KIAA1328: variants seen among roughly 807,000 people sequenced by gnomAD.
KIAA1328 encodes protein hinderin.
A neutral mutation model predicts 68.1 loss-of-function variants in KIAA1328; 52 were observed. The observed-to-expected ratio is 0.76, with a 90% CI of 0.61 to 0.96. The LOEUF (loss-of-function observed/expected upper bound fraction) is 0.96. Among genes scored for constraint, KIAA1328 ranks in the 40% least tolerant of loss-of-function variants. The probability of loss-of-function intolerance (pLI) is 0.00; values close to 1 mark genes in which losing one functional copy is unlikely to be tolerated. For missense variants in KIAA1328, 641 were observed against 677.6 expected, an observed-to-expected ratio of 0.95 and a Z score of 0.60; for synonymous variants, 232 against 239.4, an observed-to-expected ratio of 0.97 and a Z score of 0.28.
chr18:37,046,464 T>A (rs1362850795), intron 6 of KIAA1328, among the ~76,000 whole-genome samples: 2 of 152,204 alleles, frequency 1.3e-5, no homozygotes, highest in Non-Finnish European at 2.9e-5. Context: ...CCTGTGAGAC[T>A]ACTTAAAGCT....
chr18:36,990,472 C>G (rs766735099), intron 6 of KIAA1328, among the ~76,000 whole-genome samples: 1 of 151,890 alleles, frequency 6.6e-6, no homozygotes, highest in Admixed American at 6.6e-5. Context: ...GTCAGGAGCT[C>G]AACACCAGCC....
At chr18:37,015,192 G>A (rs933530186) in intron 6 of KIAA1328, among the ~76,000 whole-genome samples, 11 of 152,144 alleles carry the variant, frequency 7.2e-5, no homozygotes, top group African/African-American at 2.4e-4. Context: ...GTGAAAGGTA[G>A]GGATCTAGTT....
chr18:36,839,046 T>C (rs2046773437), intron 3 of KIAA1328, among the ~76,000 whole-genome samples: 1 of 152,188 alleles, frequency 6.6e-6, no homozygotes, highest in African/African-American at 2.4e-5. Flanking sequence ...CTTGGAGTAA[T>C]TTTTAAAGTA....
chr18:36,928,955 A>G (rs766805775), intron 5 of KIAA1328, among the ~76,000 whole-genome samples: 1 of 152,154 alleles, frequency 6.6e-6, no homozygotes, highest in Non-Finnish European at 1.5e-5. Flanking sequence ...TCAAGTTCTT[A>G]TATTCTTTCC....
intron 7 of KIAA1328, among the ~76,000 whole-genome samples, chr18:37,127,441 G>GT (rs1317371641): frequency 1.3e-5 from 2 of 152,140 alleles, no homozygotes; most frequent in Non-Finnish European, 2.9e-5. Context: ...AGGTGCAGTG[G>GT]TTGACACCTA....
chr18:37,108,373 G>C (rs922631589), intron 7 of KIAA1328, among the ~76,000 whole-genome samples: 4 of 152,050 alleles, frequency 2.6e-5, no homozygotes, highest in Admixed American at 1.3e-4. Context: ...ACTACTGGGG[G>C]AGGGGGCGGG....
chr18:37,170,701 T>G (rs1318913711), intron 8 of KIAA1328, among the ~76,000 whole-genome samples: 1 of 152,202 alleles, frequency 6.6e-6, no homozygotes, highest in South Asian at 2.1e-4. Flanking sequence ...CATAGCATAA[T>G]GGCCAAAGCT....
At chr18:36,971,285 C>CA (rs1344669410) in intron 6 of KIAA1328, among the ~76,000 whole-genome samples, 2 of 152,218 alleles carry the variant, frequency 1.3e-5, no homozygotes, top group Middle Eastern at 3.4e-3. Context: ...GCACCTTATA[C>CA]AAAAAATAAT....
At chr18:36,974,600 A>G (rs752491918) in intron 6 of KIAA1328, among the ~76,000 whole-genome samples, 2 of 152,206 alleles carry the variant, frequency 1.3e-5, no homozygotes, top group African/African-American at 4.8e-5. Context: ...TAGTGTTGCA[A>G]TAAACATACA....
At chr18:36,970,195 A>G (rs979871875) in intron 6 of KIAA1328, among the ~76,000 whole-genome samples, 3 of 152,240 alleles carry the variant, frequency 2.0e-5, no homozygotes, top group African/African-American at 4.8e-5. Flanking sequence ...AAATGAACCA[A>G]TGACAAAACC....
rs1483580286 is a variant in KIAA1328 at position 36,829,163 on chromosome 18, C to T, written c.25C>T (p.Arg9Cys). ...GATGGCGGACGTGGCGGGCCCCTCC[C>T]GCCCCAGTGCCGCGGCGTTCTGGAG... Reference protein sequence around the residue: MADVAGPSRPSAAAFWSRD... With the variant: MADVAGPSCPSAAAFWSRD... The change falls in exon 1 of 10, where the codon CGC becomes TGC. Residue 9 changes from arginine (R) to cysteine (C), a missense_variant. Coordinates refer to ENST00000280020, the MANE Select transcript of KIAA1328 (RefSeq NM_020776.3). 10 of 1,533,658 alleles carry T rather than the reference C, an allele frequency of 6.5e-6. No individual in the cohort carries two copies. The highest frequency in any genetic ancestry group is 2.0e-5 in the Admixed American group (1 of 50,168).
chr18:36,889,089 A>G (rs2048595361), intron 5 of KIAA1328, among the ~76,000 whole-genome samples: 1 of 152,180 alleles, frequency 6.6e-6, no homozygotes, highest in South Asian at 2.1e-4. Context: ...AGCCTGTTGA[A>G]GGGTTTCTTC....
At chr18:37,139,254 T>C (rs1399245813) in intron 7 of KIAA1328, among the ~76,000 whole-genome samples, 4 of 152,170 alleles carry the variant, frequency 2.6e-5, no homozygotes, top group East Asian at 1.9e-4. Context: ...TGAGCCACCG[T>C]GCCCGGCCAA....
At chr18:36,870,925 G>T (rs1379366240) in intron 4 of KIAA1328, among the ~76,000 whole-genome samples, 1 of 152,102 alleles carries the variant, frequency 6.6e-6, no homozygotes, top group Admixed American at 6.5e-5. Flanking sequence ...ATGCCCAAGG[G>T]GCTCCCCACT....
intron 5 of KIAA1328, among the ~76,000 whole-genome samples, chr18:36,919,063 T>C (rs1467290302): frequency 6.6e-6 from 1 of 152,198 alleles, no homozygotes. Context: ...CTAAATTTAA[T>C]TGTCAGTTGC....
chr18:37,102,901 T>C (rs2057664391), intron 7 of KIAA1328, among the ~76,000 whole-genome samples: 1 of 152,072 alleles, frequency 6.6e-6, no homozygotes, highest in East Asian at 1.9e-4. Flanking sequence ...AATTAACTCA[T>C]TGAAAAAGAA....
chr18:37,109,768 C>T (rs2057878160), intron 7 of KIAA1328, among the ~76,000 whole-genome samples: 1 of 152,062 alleles, frequency 6.6e-6, no homozygotes. Context: ...CATACTTACA[C>T]AAATCTTTTT....
intron 9 of KIAA1328, among the ~76,000 whole-genome samples, chr18:37,185,007 CA>C (rs967470247): frequency 4.7e-5 from 7 of 150,478 alleles, no homozygotes; most frequent in African/African-American, 1.7e-4. Context: ...ACTAAAAATA[CA>C]AAAAAAAATT....
At chr18:37,230,964 G>A (rs1043663808), downstream of KIAA1328, 3 of 152,186 alleles carry the variant, frequency 2.0e-5, no homozygotes, top group Middle Eastern at 3.2e-3. Flanking sequence ...TCTCCCCTCT[G>A]CAGCTCACAA....
Sources: gnomAD v4.1 joint callset for allele counts (sites outside exome capture counted in the v4.1 genomes callset) on GRCh38, gnomAD v4.1.1 for gene constraint, MANE v1.5 for transcripts, NCBI Gene and HGNC (gene_info 2026-07-23, HGNC 2026-07-21) for gene names.